Variants in PLEKHG1 observed in about 807,000 individuals in gnomAD.
PLEKHG1 encodes the protein pleckstrin homology and RhoGEF domain containing G1.
Under a neutral mutation model 100.8 loss-of-function variants are expected in PLEKHG1, and 44 were observed. The ratio of observed to expected loss-of-function variants is 0.44; its 90% CI spans 0.34 to 0.56. The LOEUF (loss-of-function observed/expected upper bound fraction) is 0.56. Ranked by LOEUF, PLEKHG1 falls within the 20% of genes least tolerant of loss-of-function variation. The probability of loss-of-function intolerance (pLI) is 0.01; values close to 1 mark genes in which losing one functional copy is unlikely to be tolerated. For synonymous variants in PLEKHG1, 640 were observed against 662.5 expected, an observed-to-expected ratio of 0.97 and a Z score of 0.52; for missense variants, 1,545 against 1,720.9, an observed-to-expected ratio of 0.90 and a Z score of 1.81.
At chr6:150,631,973 C>T (rs1330757595) in intron 1 of PLEKHG1, among the ~76,000 whole-genome samples, 1 of 152,230 alleles carries the variant, frequency 6.6e-6, no homozygotes, top group Non-Finnish European at 1.5e-5. Flanking sequence ...AACCTGTCCA[C>T]CAGAGCTTCT....
At chr6:150,690,402 G>A (rs1005967024) in intron 3 of PLEKHG1, among the ~76,000 whole-genome samples, 3 of 151,628 alleles carry the variant, frequency 2.0e-5, no homozygotes, top group East Asian at 1.9e-4. Context: ...GCAGTCAACC[G>A]AAACAGAAGC....
chr6:150,776,183 A>T (rs529267296), intron 3 of PLEKHG1, among the ~76,000 whole-genome samples: 1 of 152,350 alleles, frequency 6.6e-6, no homozygotes, highest in South Asian at 2.1e-4. Flanking sequence ...AAGGGACCTG[A>T]GCTCAAGTAG....
At chr6:150,756,467 A>G (rs1293740774) in intron 2 of PLEKHG1, among the ~76,000 whole-genome samples, 1 of 152,218 alleles carries the variant, frequency 6.6e-6, no homozygotes, top group Non-Finnish European at 1.5e-5. Context: ...CATATTTAGC[A>G]GCAGATTACC....
intron 15 of PLEKHG1, among the ~76,000 whole-genome samples, chr6:150,836,663 A>T (rs1361717269): frequency 6.6e-6 from 1 of 152,038 alleles, no homozygotes; most frequent in Non-Finnish European, 1.5e-5. Flanking sequence ...CAAAAAATTT[A>T]AAAGTTAAAA....
intron 4 of PLEKHG1, 116 bp from the exon 6 acceptor site, chr6:150,795,740 C>CATATATAT (rs34933769): frequency 2.4e-6 from 1 of 411,402 alleles, no homozygotes. Flanking sequence ...AAACAAAAAA[C>CATATATAT]ATATATATAT....
chr6:150,652,675 G>A (rs765028524), intron 3 of PLEKHG1, among the ~76,000 whole-genome samples: 2 of 149,062 alleles, frequency 1.3e-5, no homozygotes, highest in Non-Finnish European at 3.0e-5. Context: ...AGCCGAGATC[G>A]CACCATTGCA....
At chr6:150,713,269 C>A (rs1168723057) in intron 3 of PLEKHG1, among the ~76,000 whole-genome samples, 1 of 151,650 alleles carries the variant, frequency 6.6e-6, no homozygotes, top group Non-Finnish European at 1.5e-5. Context: ...TCATTGCCTT[C>A]TTTAGTTGAA....
chr6:150,654,107 G>A (rs1162770869), intron 3 of PLEKHG1, among the ~76,000 whole-genome samples: 2 of 152,130 alleles, frequency 1.3e-5, no homozygotes, highest in Non-Finnish European at 2.9e-5. Flanking sequence ...TTGATGGAAG[G>A]GCATCAGGGT....
intron 3 of PLEKHG1, among the ~76,000 whole-genome samples, chr6:150,679,648 A>T (rs577419739): frequency 6.6e-6 from 1 of 152,362 alleles, no homozygotes; most frequent in South Asian, 2.1e-4. Context: ...TTCAGCAAGC[A>T]TTCGTTGAGT....
At chr6:150,780,509 T>C (rs2072257469) in intron 3 of PLEKHG1, among the ~76,000 whole-genome samples, 1 of 152,184 alleles carries the variant, frequency 6.6e-6, no homozygotes, top group African/African-American at 2.4e-5. Context: ...CTTCCTTTTT[T>C]CCGTGAGAAT....
chr6:150,826,071 A>G (rs1012543439), intron 14 of PLEKHG1, among the ~76,000 whole-genome samples: 1 of 152,032 alleles, frequency 6.6e-6, no homozygotes, highest in South Asian at 2.1e-4. Context: ...ATCCCCAGCC[A>G]CTCAGGAGGC....
intron 2 of PLEKHG1, among the ~76,000 whole-genome samples, chr6:150,759,129 AAAG>A (rs569265205): frequency 3.3e-5 from 5 of 152,210 alleles, no homozygotes; most frequent in Non-Finnish European, 4.4e-5. Flanking sequence ...GGGATGTCTT[AAAG>A]GAGTGTAAAG....
chr6:150,690,179 C>T (rs541418116), intron 3 of PLEKHG1, among the ~76,000 whole-genome samples: 3 of 152,230 alleles, frequency 2.0e-5, no homozygotes, highest in East Asian at 1.9e-4. Flanking sequence ...TCTTTAAACT[C>T]ATAACTGTTA....
intron 4 of PLEKHG1, among the ~76,000 whole-genome samples, chr6:150,791,130 C>T (rs1785953120): frequency 6.6e-6 from 1 of 152,184 alleles, no homozygotes; most frequent in Non-Finnish European, 1.5e-5. Context: ...GCAGCATCAG[C>T]GTCACTTGGG....
chr6:150,720,492 GT>G (rs1258156223), upstream of PLEKHG1, among the ~76,000 whole-genome samples: 1 of 152,122 alleles, frequency 6.6e-6, no homozygotes, highest in Non-Finnish European at 1.5e-5. Flanking sequence ...CTTTTTAAAT[GT>G]TTTTTAAATG....
chr6:150,628,570 A>ACACACACACACACC (rs949989760), intron 1 of PLEKHG1, among the ~76,000 whole-genome samples: 4 of 149,982 alleles, frequency 2.7e-5, no homozygotes, highest in African/African-American at 1.0e-4. Context: ...ACACACACAC[A>ACACACACACACACC]CACACACCCC....
exon 16 of PLEKHG1, chr6:150,842,332 G>A (rs1777561781): frequency 6.6e-6 from 1 of 152,166 alleles, no homozygotes; most frequent in South Asian, 2.1e-4. Context: ...TATTTTAAAA[G>A]ATACAATAAT....
At chr6:150,748,888 A>G (rs1288483264) in intron 2 of PLEKHG1, among the ~76,000 whole-genome samples, 1 of 152,094 alleles carries the variant, frequency 6.6e-6, no homozygotes, top group African/African-American at 2.4e-5. Context: ...TGGCCTCCTG[A>G]AGTGCTGGGA....
intron 1 of PLEKHG1, among the ~76,000 whole-genome samples, chr6:150,726,733 A>C (rs1482116953): frequency 6.6e-6 from 1 of 152,164 alleles, no homozygotes; most frequent in Non-Finnish European, 1.5e-5. Flanking sequence ...ATGTTCCCTG[A>C]ATTTAACATG....
Sources: gnomAD v4.1 joint callset for allele counts (sites outside exome capture counted in the v4.1 genomes callset) on GRCh38, gnomAD v4.1.1 for gene constraint, MANE v1.5 for transcripts, NCBI Gene and HGNC (gene_info 2026-07-23, HGNC 2026-07-21) for gene names.